RBM34: variants seen among roughly 807,000 people sequenced by gnomAD.
The protein encoded by RBM34 is RNA-binding protein 34.
RBM34 carries 39 observed loss-of-function variants against 44.6 expected under a neutral mutation model. The ratio of observed to expected loss-of-function variants is 0.87; its 90% CI spans 0.68 to 1.14. RBM34 has a LOEUF of 1.14. RBM34 is among the 50% of genes most tolerant of loss of function. The pLI is 0.00. For synonymous variants in RBM34, 194 were observed against 184.0 expected (o/e 1.05, Z -0.44); for missense variants, 572 against 517.9 (o/e 1.10, Z -1.01).
chr1:235,148,448 C>A lies in RBM34; in HGVS notation c.658-1G>T, dbSNP rs1235705572. Reference sequence around the variant, plus strand: ...TGGATAGCGTTCCCTCTGCTGGAATCTTTCAAGAGAAAAAAAAAAGTATTA... The same window carrying A: ...TGGATAGCGTTCCCTCTGCTGGAATATTTCAAGAGAAAAAAAAAAGTATTA... On this transcript the variant is annotated splice_acceptor_variant, in intron 5 of 10. Coordinates refer to ENST00000408888, the MANE Select transcript of RBM34 (RefSeq NM_015014.4). LOFTEE classifies it high-confidence loss of function. 4 of 1,579,932 alleles carry A rather than the reference C, an allele frequency of 2.5e-6. No homozygotes were observed. The highest frequency in any genetic ancestry group is 1.9e-5 in the Admixed American group (1 of 53,434).
At position 235,141,217 on chromosome 1, in the gene RBM34, C is replaced by T. The variant is rs149236466; in HGVS notation, c.702-3043G>A. ...CTAGCTGCTCTGGTGGGGCCTTGGA[C>T]AACCTTTATGTCTAGCTCAGGGGTT... On this transcript the variant is annotated intron_variant, in intron 6 of 10. Transcript: ENST00000408888. Among the ~76,000 whole-genome samples the T allele has an allele frequency of 2.7e-4, 38 of 138,422 alleles. 1 individual carries two copies. In the East Asian group the frequency reaches 8.1e-3, roughly 30 times the overall value. 90.8% of individuals were successfully genotyped at this position (138,422 alleles called of 152,430 possible).
rs776685942 is a variant in RBM34 at position 235,160,666 on chromosome 1, TTA to T, written c.229-21_229-20del. On this transcript the variant is annotated intron_variant, in intron 2 of 10. Transcript: ENST00000408888. ...TGGTTTGCTTTTTAAAAGTTTGAAG[TTA>T]TATTTGAGACCCCATACTTCTAGAA... 6.2e-7 allele frequency: 1 copy of T among 1,607,372 alleles called. No individual in the cohort carries two copies. The highest frequency in any genetic ancestry group is 8.5e-7 in the Non-Finnish European group (1 of 1,177,646).
intron 3 of RBM34, among the ~76,000 whole-genome samples, chr1:235,157,328 T>G (rs1263271261): frequency 6.6e-6 from 1 of 151,830 alleles, no homozygotes; most frequent in African/African-American, 2.4e-5. Flanking sequence ...AAAGAGATAA[T>G]TAAAAAACAG....
intron 5 of RBM34, among the ~76,000 whole-genome samples, chr1:235,148,822 T>C (rs1251079601): frequency 6.6e-6 from 1 of 151,870 alleles, no homozygotes; most frequent in African/African-American, 2.4e-5. Context: ...ATGGTCTCGA[T>C]CTCCTGACCT....
At chr1:235,139,181 T>C (rs1342148030) in intron 6 of RBM34, among the ~76,000 whole-genome samples, 1 of 152,224 alleles carries the variant, frequency 6.6e-6, no homozygotes, top group East Asian at 1.9e-4. Flanking sequence ...AACACAGATC[T>C]TTCCCTGAAG....
At position 235,144,975 on chromosome 1, in the gene RBM34, G is replaced by T. The variant is rs116776389; in HGVS notation, c.701+3429C>A. On this transcript the variant is annotated intron_variant, in intron 6 of 10. Transcript: ENST00000408888. ...GGAGAATCACTTGAACCAGGGAGGC[G>T]GAGATTACGGTGAGCTGAGATCACG... Among the ~76,000 whole-genome samples, 1,205 of 152,178 alleles carry T rather than the reference G, an allele frequency of 7.9e-3. 18 individuals are homozygous for T. The highest frequency in any genetic ancestry group is 0.028 in the African/African-American group (1,161 of 41,508).
At chr1:235,134,261 T>C (rs1661323141) in intron 10 of RBM34, among the ~76,000 whole-genome samples, 1 of 152,140 alleles carries the variant, frequency 6.6e-6, no homozygotes, top group Admixed American at 6.6e-5. Context: ...TGGGCTCAAG[T>C]GATCCACCTG....
chr1:235,143,248 C>T (rs4659941), intron 6 of RBM34, among the ~76,000 whole-genome samples: 37,505 of 152,084 alleles, frequency 0.25, 5,944 homozygotes, highest in South Asian at 0.52. Context: ...ACATTCTCAT[C>T]GATAGCTGGT....
intron 8 of RBM34, among the ~76,000 whole-genome samples, chr1:235,136,997 CCCCGCTTCT>C (rs2102828019): frequency 1.3e-5 from 2 of 152,220 alleles, no homozygotes; most frequent in South Asian, 4.2e-4. Flanking sequence ...TCTTTTTTCC[CCCCGCTTCT>C]CCACAGGGTA....
intron 5 of RBM34, among the ~76,000 whole-genome samples, chr1:235,148,772 G>T (rs1241585609): frequency 1.3e-5 from 2 of 151,742 alleles, no homozygotes; most frequent in Non-Finnish European, 2.9e-5. Context: ...CTAATTTTTT[G>T]TATTTTTAGT....
chr1:235,131,380 C>CAT lies in RBM34; in HGVS notation c.*332_*333insAT, dbSNP rs1661189702. On this transcript the variant is annotated 3_prime_UTR_variant, in exon 11 of 11. Transcript: ENST00000408888. ...AAAATTAGCCAGGCGTGGTGGCAGG[C>CAT]GCCTGTAATCCCAGCTACTTGGGAG... 1.7e-5 allele frequency: 3 copies of CAT among 179,638 alleles called. No homozygotes were observed. The highest frequency in any genetic ancestry group is 2.3e-5 in the Non-Finnish European group (2 of 85,908). 11.1% of individuals were successfully genotyped at this position (179,638 alleles called of 1,614,324 possible).
chr1:235,151,505 T>A (rs984277967), intron 5 of RBM34, among the ~76,000 whole-genome samples: 12 of 152,160 alleles, frequency 7.9e-5, no homozygotes, highest in Non-Finnish European at 1.5e-4. Context: ...TCTATAGAAG[T>A]GGGCAGTTGT....
chr1:235,138,840 A>C (rs1464248859), intron 6 of RBM34, among the ~76,000 whole-genome samples: 3 of 152,030 alleles, frequency 2.0e-5, no homozygotes, highest in Non-Finnish European at 2.9e-5. Flanking sequence ...GTATCTCTTT[A>C]TCTCTCACTA....
chr1:235,155,078 C>G lies in RBM34; in HGVS notation c.400G>C (p.Glu134Gln), dbSNP rs1327691862. 1 of 1,613,666 alleles carries G rather than the reference C, an allele frequency of 6.2e-7. No homozygotes were observed. The highest frequency in any genetic ancestry group is 8.5e-7 in the Non-Finnish European group (1 of 1,179,974). ...SALASADLEEEIHQKQGQKRK... is the reference protein window; with the variant it reads ...SALASADLEEQIHQKQGQKRK... ...TTCTGCCCTTGTTTCTGGTGAATTT[C>G]TTCTTCTAAATCAGCACTCGCTAGA... Residue 134 changes from glutamate to glutamine, a missense_variant, in exon 4 of 11, where the codon GAA becomes CAA. Coordinates refer to ENST00000408888, the MANE Select transcript of RBM34 (RefSeq NM_015014.4).
chr1:235,136,251 G>A, intron 8 of RBM34, 178 bp from the exon 9 acceptor site: 1 of 627,786 alleles, frequency 1.6e-6, no homozygotes, highest in South Asian at 2.0e-5. Flanking sequence ...CTGTGTGTGG[G>A]TACCAGAGGA....
intron 6 of RBM34, among the ~76,000 whole-genome samples, chr1:235,144,499 T>A (rs867422134): frequency 3.5e-3 from 460 of 131,808 alleles, no homozygotes; most frequent in Middle Eastern, 4.3e-3. Flanking sequence ...CTTAATAAAC[T>A]AAAAAAAAAA....
At chr1:235,144,446 T>C (rs943870803) in intron 6 of RBM34, among the ~76,000 whole-genome samples, 2 of 138,450 alleles carry the variant, frequency 1.4e-5, no homozygotes, top group Non-Finnish European at 3.1e-5. Flanking sequence ...GTTAAAATTA[T>C]AAAATTGTAC....
Position 235,161,231 on chromosome 1 carries a change from A to G in RBM34, c.-5T>C, listed in dbSNP as rs753230646. 3.1e-6 allele frequency: 5 copies of G among 1,612,988 alleles called. 1 individual carries two copies. The South Asian group carries it at 4.4e-5, about 14-fold the overall frequency. On this transcript the variant is annotated 5_prime_UTR_variant, in exon 1 of 11. Transcript: ENST00000408888. ...GCTCATCCCTTCCAAGGCCATTCTTACTCCAAAGACTCCCAGACTGCAGCT... is the reference window on the plus strand; with the variant it reads ...GCTCATCCCTTCCAAGGCCATTCTTGCTCCAAAGACTCCCAGACTGCAGCT...
At chr1:235,151,070 G>C (rs1223337916) in intron 5 of RBM34, among the ~76,000 whole-genome samples, 1 of 152,184 alleles carries the variant, frequency 6.6e-6, no homozygotes, top group Non-Finnish European at 1.5e-5. Context: ...TGAAGGTAAG[G>C]AACTACAATA....
Sources: allele counts gnomAD v4.1 joint callset (sites outside exome capture counted in the v4.1 genomes callset), GRCh38; gene constraint gnomAD v4.1.1; transcripts MANE v1.5; gene names NCBI Gene and HGNC (gene_info 2026-07-23, HGNC 2026-07-21).